The following VPS13A variants were observed in gnomAD, a reference collection of about 807,000 sequenced individuals.
The protein encoded by VPS13A is intermembrane lipid transfer protein VPS13A.
In VPS13A, 264 loss-of-function variants were observed where a neutral mutation model predicts 390.9. The ratio of observed to expected loss-of-function variants is 0.68; its 90% CI spans 0.61 to 0.75. The LOEUF is 0.75. VPS13A is among the 30% of genes least tolerant of loss of function. The pLI, the probability that VPS13A is intolerant of heterozygous loss-of-function variation, is 0.00. For missense variants in VPS13A, 3,409 were observed against 3,733.9 expected, an observed-to-expected ratio of 0.91 and a Z score of 2.27; for synonymous variants, 1,231 against 1,227.1, an observed-to-expected ratio of 1.00 and a Z score of -0.07.
intron 5 of VPS13A, among the ~76,000 whole-genome samples, chr9:77,207,248 T>TAC (rs1309518963): frequency 6.2e-5 from 7 of 112,332 alleles, no homozygotes; most frequent in African/African-American, 1.8e-4. Flanking sequence ...TATATATATA[T>TAC]ATATAAAACG....
At chr9:77,181,391 C>T (rs1239243231) in intron 1 of VPS13A, among the ~76,000 whole-genome samples, 2 of 151,782 alleles carry the variant, frequency 1.3e-5, no homozygotes, top group Non-Finnish European at 2.9e-5. Flanking sequence ...TGGCGCTCGC[C>T]TGTAATCCCA....
intron 71 of VPS13A, among the ~76,000 whole-genome samples, chr9:77,412,574 A>T (rs945790859): frequency 2.2e-4 from 33 of 152,210 alleles, no homozygotes; most frequent in Non-Finnish European, 4.4e-4. Flanking sequence ...TCAATAAATT[A>T]ATTAGGTATT....
chr9:77,186,701 G>A (rs1343849160), intron 1 of VPS13A, among the ~76,000 whole-genome samples: 1 of 152,136 alleles, frequency 6.6e-6, no homozygotes. Flanking sequence ...CTCCCAAAGT[G>A]CTGGGATTAC....
chr9:77,178,049 T>G, intron 1 of VPS13A: 1 of 439,826 alleles, frequency 2.3e-6, no homozygotes, highest in Non-Finnish European at 4.2e-6. Flanking sequence ...GGTCTATATT[T>G]TCCGAGCGGA....
At chr9:77,209,982 A>G (rs1590002022) in intron 6 of VPS13A, among the ~76,000 whole-genome samples, 1 of 152,132 alleles carries the variant, frequency 6.6e-6, no homozygotes, top group Non-Finnish European at 1.5e-5. Context: ...TGTAAACTGG[A>G]AAACATGCAG....
At chr9:77,392,148 G>C (rs1380054370) in intron 68 of VPS13A, among the ~76,000 whole-genome samples, 2 of 152,128 alleles carry the variant, frequency 1.3e-5, no homozygotes, top group African/African-American at 4.8e-5. Context: ...AGGAATCAGA[G>C]ACACCTAAAA....
intron 50 of VPS13A, among the ~76,000 whole-genome samples, chr9:77,341,717 T>TTTTTTTTTTTTTG (rs1830831774): frequency 6.9e-6 from 1 of 144,906 alleles, no homozygotes; most frequent in African/African-American, 2.5e-5. Context: ...TTTTTTTTTT[T>TTTTTTTTTTTTTG]TTTGCTTTTG....
Position 77,357,792 on chromosome 9 carries a change from C to T in VPS13A, c.7907C>T (p.Thr2636Ile). Reference protein sequence around the residue: ...YLPALKVEYNTSAHQSSFRIQ... With the variant: ...YLPALKVEYNISAHQSSFRIQ... ...CCAGCATTAAAAGTGGAATATAACA[C>T]ATCTGCACATCAATCATCATTTAGA... Residue 2636 changes from threonine (T) to isoleucine (I), a missense_variant, in exon 56 of 72, where the codon ACA (threonine) becomes ATA (isoleucine). Physicochemically the swap from Thr to Ile is moderately conservative, Grantham distance 89. Transcript: ENST00000360280. The T allele has an allele frequency of 1.2e-6, 2 of 1,613,620 alleles. No individual in the cohort carries two copies. The highest frequency in any genetic ancestry group is 1.7e-6 in the Non-Finnish European group (2 of 1,179,780).
At chr9:77,241,800 A>G (rs1054210136) in intron 19 of VPS13A, among the ~76,000 whole-genome samples, 3 of 152,192 alleles carry the variant, frequency 2.0e-5, no homozygotes, top group Admixed American at 6.5e-5. Context: ...TTCTTGGGCT[A>G]CATACCTCCT....
chr9:77,366,718 T>A lies in VPS13A; in HGVS notation c.8326-9T>A, dbSNP rs377207319. 1 of 1,604,588 alleles carries A rather than the reference T, an allele frequency of 6.2e-7. No homozygotes were observed. The highest frequency in any genetic ancestry group is 1.1e-5 in the South Asian group (1 of 89,652). On this transcript the variant is annotated splice_polypyrimidine_tract_variant and intron_variant, in intron 60 of 71. Transcript: ENST00000360280. ...ATACTTTTAAATATTTATCTCTTTA[T>A]CTTTTTAGTTACATTTAAGTGTTTC...
intron 52 of VPS13A, among the ~76,000 whole-genome samples, chr9:77,347,539 C>T (rs544481351): frequency 4.6e-5 from 7 of 152,072 alleles, no homozygotes; most frequent in Middle Eastern, 3.4e-3. Context: ...TGCAGTGGTG[C>T]GATCCAGGCT....
chr9:77,200,136 T>A, intron 2 of VPS13A, 148 bp downstream of exon 2: 1 of 683,326 alleles, frequency 1.5e-6, no homozygotes, highest in East Asian at 2.9e-5. Context: ...CTAAATGGAG[T>A]TTTAATCTCC....
chr9:77,323,876 CTTG>C (rs1029661584), intron 45 of VPS13A, among the ~76,000 whole-genome samples: 8 of 145,158 alleles, frequency 5.5e-5, no homozygotes, highest in African/African-American at 1.0e-4. Flanking sequence ...CATGCAGTTA[CTTG>C]TTGTTGCTCA....
At chr9:77,266,503 G>T (rs1467566088) in intron 23 of VPS13A, among the ~76,000 whole-genome samples, 2 of 152,024 alleles carry the variant, frequency 1.3e-5, no homozygotes, top group African/African-American at 4.8e-5. Context: ...CTCTCTTCTG[G>T]CTTGTAGGGT....
rs2131371963 is a variant in VPS13A, at chr9:77,293,455, ATAGT to A, written c.3456_3459del (p.Ile1152MetfsTer6). ...TGTGGTTGACATTCAGGTTAATTTA[ATAGT>A]TGGTTGCATTGAAGTAGTTTTTGTC... is the stretch of plus-strand genomic sequence containing the variant. On this transcript the variant is annotated frameshift_variant, in exon 32 of 72. Transcript: ENST00000360280. LOFTEE classifies it high-confidence loss of function. 6.2e-7 allele frequency: 1 copy of A among 1,605,162 alleles called. No homozygotes were observed. Among genetic ancestry groups the A allele is most frequent in the Non-Finnish European group, 8.5e-7 (1 of 1,176,054 alleles).
At chr9:77,275,924 T>G in intron 25 of VPS13A, 141 bp from the exon 26 acceptor site, 1 of 903,512 alleles carries the variant, frequency 1.1e-6, no homozygotes. Flanking sequence ...TGTATGTCTG[T>G]GTGGGTATAA....
intron 71 of VPS13A, among the ~76,000 whole-genome samples, chr9:77,411,808 G>A (rs1379272738): frequency 6.6e-6 from 1 of 151,946 alleles, no homozygotes; most frequent in African/African-American, 2.4e-5. Flanking sequence ...TCCAGGAGCT[G>A]GTTTTTTGAA....
chr9:77,337,544 G>A lies in VPS13A; in HGVS notation c.6378+7G>A, dbSNP rs865808982. The A allele has an allele frequency of 1.2e-6, 2 of 1,608,182 alleles. No individual in the cohort carries two copies. The highest frequency in any genetic ancestry group is 2.2e-5 in the East Asian group (1 of 44,714). On this transcript the variant is annotated splice_region_variant and intron_variant, in intron 47 of 71. Coordinates refer to ENST00000360280, the MANE Select transcript of VPS13A (RefSeq NM_033305.3). Reference sequence around the variant, plus strand: ...AATTGCTTATTATATAGAGGTATCGGCAAACTGATTTAGTGCCTTCCTGTT... The same window carrying A: ...AATTGCTTATTATATAGAGGTATCGACAAACTGATTTAGTGCCTTCCTGTT...
At chr9:77,414,269 G>T (rs919610650) in intron 71 of VPS13A, among the ~76,000 whole-genome samples, 3 of 152,128 alleles carry the variant, frequency 2.0e-5, no homozygotes, top group South Asian at 2.1e-4. Context: ...AAATCATGCT[G>T]CTATAAAGAC....
Sources: gnomAD v4.1 joint callset for allele counts (sites outside exome capture counted in the v4.1 genomes callset) on GRCh38, gnomAD v4.1.1 for gene constraint, MANE v1.5 for transcripts, NCBI Gene and HGNC (gene_info 2026-07-23, HGNC 2026-07-21) for gene names.